Variants in NUBPL observed in about 807,000 individuals in gnomAD.
The protein encoded by NUBPL is iron-sulfur cluster transfer protein NUBPL.
NUBPL carries 31 observed loss-of-function variants against 45.7 expected under a neutral mutation model. The ratio of observed to expected loss-of-function variants is 0.68; its 90% CI spans 0.51 to 0.92. NUBPL has a LOEUF of 0.92. Among genes scored for constraint, NUBPL ranks in the 40% least tolerant of loss-of-function variants. NUBPL has a pLI of 0.00. For missense variants in NUBPL, 401 were observed against 398.7 expected (o/e 1.01, Z -0.05); for synonymous variants, 144 against 140.9 (o/e 1.02, Z -0.15).
chr14:31,568,031 C>T (rs1352327979), intron 3 of NUBPL, among the ~76,000 whole-genome samples: 1 of 152,088 alleles, frequency 6.6e-6, no homozygotes, highest in Non-Finnish European at 1.5e-5. Context: ...CTTGTCATTT[C>T]AATGGAATTT....
chr14:31,855,560 A>G (rs1252467185), intron 10 of NUBPL, among the ~76,000 whole-genome samples: 1 of 152,014 alleles, frequency 6.6e-6, no homozygotes, highest in Non-Finnish European at 1.5e-5. Context: ...GATTATTTAC[A>G]TGAAGTACTT....
intron 4 of NUBPL, among the ~76,000 whole-genome samples, chr14:31,617,779 T>C (rs1436077472): frequency 2.0e-5 from 3 of 152,258 alleles, no homozygotes; most frequent in East Asian, 3.8e-4. Flanking sequence ...ATCAGGCTGA[T>C]GCTGGCCTCA....
chr14:31,758,645 A>G (rs2038728660), intron 6 of NUBPL, among the ~76,000 whole-genome samples: 1 of 152,164 alleles, frequency 6.6e-6, no homozygotes, highest in African/African-American at 2.4e-5. Context: ...TTTCAATTAT[A>G]TCTCCCATCA....
At chr14:31,755,782 G>A (rs921013249) in intron 6 of NUBPL, among the ~76,000 whole-genome samples, 1 of 151,668 alleles carries the variant, frequency 6.6e-6, no homozygotes, top group African/African-American at 2.4e-5. Flanking sequence ...CCATGCCTAT[G>A]TCCTGAATGG....
intron 4 of NUBPL, among the ~76,000 whole-genome samples, chr14:31,652,786 T>A (rs1348352): frequency 0.3 from 45,234 of 152,116 alleles, 7,540 homozygotes; most frequent in South Asian, 0.41. Context: ...ATTTCCTTCA[T>A]AGCACTAGTT....
chr14:31,760,178 A>G (rs1339844191), intron 6 of NUBPL, among the ~76,000 whole-genome samples: 1 of 147,174 alleles, frequency 6.8e-6, no homozygotes. Flanking sequence ...AGAGAGAGAG[A>G]GAGACAGGGT....
intron 6 of NUBPL, among the ~76,000 whole-genome samples, chr14:31,721,060 G>T (rs955184935): frequency 7.3e-5 from 11 of 149,884 alleles, no homozygotes; most frequent in African/African-American, 2.5e-4. Flanking sequence ...GAACAAATAA[G>T]TAAAAAATGA....
intron 4 of NUBPL, among the ~76,000 whole-genome samples, chr14:31,625,616 C>T (rs1483990298): frequency 6.6e-6 from 1 of 151,900 alleles, no homozygotes; most frequent in Non-Finnish European, 1.5e-5. Flanking sequence ...GCTGGGACTA[C>T]AGGGGCATGC....
chr14:31,614,775 TTCTC>T (rs1407773386), intron 4 of NUBPL, among the ~76,000 whole-genome samples: 1 of 152,218 alleles, frequency 6.6e-6, no homozygotes, highest in Non-Finnish European at 1.5e-5. Context: ...GATTTGGTCT[TTCTC>T]TGTGAACTTA....
intron 4 of NUBPL, among the ~76,000 whole-genome samples, chr14:31,604,705 T>G (rs1175398563): frequency 6.6e-6 from 1 of 152,194 alleles, no homozygotes; most frequent in Admixed American, 6.5e-5. Context: ...TACCTTTTTT[T>G]GGGAGGGTGG....
rs2040516153 is a variant in NUBPL at position 31,850,186 on chromosome 14, G to T, written c.882G>T (p.Gln294His). The change falls in exon 10 of 11, where the codon CAG becomes CAT. Residue 294 changes from glutamine to histidine, a missense_variant. Gln to His is a conservative substitution (Grantham distance 24, BLOSUM62 0). Transcript: ENST00000281081. ...SDTGQPIVFS[Q>H]PESDEAKAYL... is the part of the protein sequence containing the mutation. ...CAGGCCAGCCAATTGTGTTTTCACA[G>T]CCTGAAAGTGATGAGGTAAGTTCCA... The T allele has an allele frequency of 1.2e-6, 2 of 1,613,364 alleles. No homozygotes were observed. The highest frequency in any genetic ancestry group is 3.3e-5 in the Admixed American group (2 of 59,994).
In NUBPL at chr14:31,785,116, C is replaced by A. The variant is rs143721121; in HGVS notation, c.514-2664C>A. On this transcript the variant is annotated intron_variant, in intron 6 of 10. Coordinates refer to ENST00000281081, the MANE Select transcript of NUBPL (RefSeq NM_025152.3). ...TTTCTCCTTACTCTACACCGTCTGA[C>A]CTTGGGGACCAAAGAGATTCAAATA... Among the ~76,000 whole-genome samples the A allele has an allele frequency of 2.1e-3, 318 of 152,288 alleles. 1 individual carries two copies. The highest frequency in any genetic ancestry group is 7.3e-3 in the African/African-American group (304 of 41,562).
intron 3 of NUBPL, among the ~76,000 whole-genome samples, chr14:31,593,399 G>A (rs142167240): frequency 0.011 from 1,634 of 151,574 alleles, 22 homozygotes; most frequent in African/African-American, 0.037. Flanking sequence ...CTGTAGTCCC[G>A]GTTACTCGGG....
rs534196699 is a variant in NUBPL, at chr14:31,576,039, T to C, written c.291+10991T>C. Among the ~76,000 whole-genome samples, 7 of 152,330 alleles carry C rather than the reference T, an allele frequency of 4.6e-5. No individual in the cohort carries two copies. In the South Asian group the frequency reaches 1.4e-3, roughly 32 times the overall value. On this transcript the variant is annotated intron_variant, in intron 3 of 10. Coordinates refer to ENST00000281081, the MANE Select transcript of NUBPL (RefSeq NM_025152.3). The stretch of plus-strand genomic sequence containing the variant: ...AGGGGCTCAGAAACTATATTTGTAA[T>C]TATAAAGCAAAACTGTTTACTAAAA...
chr14:31,750,748 C>G (rs1014216126), intron 6 of NUBPL, among the ~76,000 whole-genome samples: 1 of 151,870 alleles, frequency 6.6e-6, no homozygotes, highest in Non-Finnish European at 1.5e-5. Flanking sequence ...GGTAATTTAG[C>G]TTTAGTTCTG....
At chr14:31,771,943 G>A (rs1389749429) in intron 6 of NUBPL, 2 of 916,120 alleles carry the variant, frequency 2.2e-6, no homozygotes, top group African/African-American at 3.6e-5. Context: ...CAGTATGCTA[G>A]TCTAACGCAG....
intron 7 of NUBPL, among the ~76,000 whole-genome samples, chr14:31,795,000 A>C (rs1238372922): frequency 2.8e-5 from 4 of 141,510 alleles, no homozygotes; most frequent in African/African-American, 1.1e-4. Flanking sequence ...TCCTTTCCCC[A>C]TTGCTTGTTT....
chr14:31,814,419 A>G (rs1306256679), intron 7 of NUBPL, among the ~76,000 whole-genome samples: 1 of 152,078 alleles, frequency 6.6e-6, no homozygotes, highest in Admixed American at 6.6e-5. Flanking sequence ...AGTTCCTTGT[A>G]CATTCTGGAT....
intron 8 of NUBPL, chr14:31,844,669 A>G (rs902013248): frequency 6.6e-6 from 1 of 152,132 alleles, no homozygotes; most frequent in Non-Finnish European, 1.5e-5. Flanking sequence ...TCTTATCTAT[A>G]TGTTTCATTG....
Sources: allele counts gnomAD v4.1 joint callset (sites outside exome capture counted in the v4.1 genomes callset), GRCh38; gene constraint gnomAD v4.1.1; transcripts MANE v1.5; gene names NCBI Gene and HGNC (gene_info 2026-07-23, HGNC 2026-07-21).